LRP1B: variants seen among roughly 807,000 people sequenced by gnomAD.
The protein encoded by LRP1B is low-density lipoprotein receptor-related protein 1B.
A neutral mutation model predicts 556.6 loss-of-function variants in LRP1B; 217 were observed. The observed-to-expected ratio is 0.39, with a 90% CI of 0.35 to 0.44. The LOEUF is 0.44. Ranked by LOEUF, LRP1B falls within the 20% of genes least tolerant of loss-of-function variation. The pLI is 1.00. For synonymous variants in LRP1B, 2,047 were observed against 1,865.8 expected, an observed-to-expected ratio of 1.10 and a Z score of -2.50; for missense variants, 5,053 against 5,620.8, an observed-to-expected ratio of 0.90 and a Z score of 3.23.
chr2:141,856,147 C>G (rs1247278549), intron 1 of LRP1B, among the ~76,000 whole-genome samples: 1 of 152,052 alleles, frequency 6.6e-6, no homozygotes, highest in African/African-American at 2.4e-5. Flanking sequence ...TTTTATGCAA[C>G]CTTCTTGAAT....
chr2:141,721,022 T>A (rs904319788), intron 2 of LRP1B, among the ~76,000 whole-genome samples: 48 of 152,122 alleles, frequency 3.2e-4, no homozygotes, highest in Admixed American at 5.9e-4. Context: ...TCATTCAAGG[T>A]ATGCACTGGC....
intron 1 of LRP1B, among the ~76,000 whole-genome samples, chr2:141,910,902 A>G (rs1468239788): frequency 1.3e-5 from 2 of 152,128 alleles, no homozygotes; most frequent in African/African-American, 4.8e-5. Flanking sequence ...ATAAATAAGC[A>G]TATATTCAGG....
chr2:141,273,027 T>C (rs1481853585), intron 3 of LRP1B, among the ~76,000 whole-genome samples: 1 of 152,128 alleles, frequency 6.6e-6, no homozygotes. Context: ...GCAACACTTA[T>C]GCCAGGCGGG....
chr2:140,796,964 T>A (rs1222241836), intron 32 of LRP1B, among the ~76,000 whole-genome samples: 1 of 151,878 alleles, frequency 6.6e-6, no homozygotes, highest in African/African-American at 2.4e-5. Flanking sequence ...TTATCTTAAG[T>A]AGGACATTCT....
intron 1 of LRP1B, among the ~76,000 whole-genome samples, chr2:141,912,374 C>T (rs1699926885): frequency 6.6e-6 from 1 of 152,080 alleles, no homozygotes; most frequent in Non-Finnish European, 1.5e-5. Flanking sequence ...TCTTTCTTGG[C>T]ATTTAGGAAA....
chr2:140,306,900 T>TC (rs2105019464), intron 83 of LRP1B, among the ~76,000 whole-genome samples: 2 of 152,250 alleles, frequency 1.3e-5, no homozygotes, highest in South Asian at 4.1e-4. Flanking sequence ...ATTTCTGCTT[T>TC]CATTTCGTTA....
intron 18 of LRP1B, among the ~76,000 whole-genome samples, chr2:140,977,529 C>A (rs914408057): frequency 2.0e-5 from 3 of 152,084 alleles, no homozygotes; most frequent in Non-Finnish European, 2.9e-5. Flanking sequence ...ATGATAAAAT[C>A]AAATACACAT....
chr2:140,733,853 A>C (rs943675451), intron 35 of LRP1B, among the ~76,000 whole-genome samples: 1 of 152,238 alleles, frequency 6.6e-6, no homozygotes, highest in African/African-American at 2.4e-5. Context: ...CAAAATAATC[A>C]AAAACATACC....
chr2:141,657,965 T>C (rs149675570), intron 2 of LRP1B, among the ~76,000 whole-genome samples: 5 of 152,300 alleles, frequency 3.3e-5, no homozygotes, highest in Non-Finnish European at 7.4e-5. Flanking sequence ...TGTTCCATCA[T>C]CCACAAACCC....
In LRP1B at chr2:141,919,848, T is replaced by C. The variant is rs1260879334; in HGVS notation, c.83-109447A>G. On this transcript the variant is annotated intron_variant, in intron 1 of 90. Transcript: ENST00000389484. ...GGATATGACACTTGTTTATTCTATG[T>C]GAACTTTGATTATGAAATAGATCTT... 3.9e-5 allele frequency among the ~76,000 whole-genome samples: 6 copies of C among 152,066 alleles called. No individual in the cohort carries two copies. In the South Asian group the frequency reaches 1.2e-3, roughly 31 times the overall value.
chr2:141,538,884 C>T (rs970150096), intron 2 of LRP1B, among the ~76,000 whole-genome samples: 21 of 152,268 alleles, frequency 1.4e-4, no homozygotes, highest in Admixed American at 3.9e-4. Flanking sequence ...GGTGATCCCC[C>T]GGCACTGGCC....
chr2:141,954,651 T>G (rs1051936905), intron 1 of LRP1B, among the ~76,000 whole-genome samples: 1 of 152,144 alleles, frequency 6.6e-6, no homozygotes, highest in Admixed American at 6.6e-5. Flanking sequence ...TGTATTGTCT[T>G]AATCGTTGTT....
At chr2:140,717,074 T>C (rs1278863027) in intron 35 of LRP1B, among the ~76,000 whole-genome samples, 2 of 152,096 alleles carry the variant, frequency 1.3e-5, no homozygotes, top group Non-Finnish European at 2.9e-5. Flanking sequence ...TTGCATTGTT[T>C]ATTGTTTTTA....
chr2:141,374,017 C>A lies in LRP1B; in HGVS notation c.343+106379G>T, dbSNP rs544184440. Among the ~76,000 whole-genome samples, 12 of 152,072 alleles carry A rather than the reference C, an allele frequency of 7.9e-5. No individual in the cohort carries two copies. In the South Asian group the frequency reaches 1.7e-3, roughly 21 times the overall value. On this transcript the variant is annotated intron_variant, in intron 3 of 90. Transcript: ENST00000389484. ...GACCTTTCATTTACATGTTTAAGATCCTTTTGAACATTTCCTGTAGGTTCA... is the reference window on the plus strand; with the variant it reads ...GACCTTTCATTTACATGTTTAAGATACTTTTGAACATTTCCTGTAGGTTCA...
chr2:140,497,549 G>A (rs1276250709), intron 55 of LRP1B, among the ~76,000 whole-genome samples: 1 of 151,778 alleles, frequency 6.6e-6, no homozygotes, highest in East Asian at 1.9e-4. Context: ...ATTTGACAGG[G>A]TAGTAATCCC....
At chr2:140,532,936 A>C (rs964718518) in intron 47 of LRP1B, among the ~76,000 whole-genome samples, 4 of 112,184 alleles carry the variant, frequency 3.6e-5, no homozygotes, top group Non-Finnish European at 2.0e-5. Flanking sequence ...CAAGATATAT[A>C]TATATATATA....
intron 1 of LRP1B, among the ~76,000 whole-genome samples, chr2:142,052,233 C>T (rs190947794): frequency 3.3e-5 from 5 of 151,934 alleles, no homozygotes; most frequent in East Asian, 1.9e-4. Flanking sequence ...AAATAATAAA[C>T]GAGTTTAGAA....
At chr2:141,875,738 CTG>C in intron 1 of LRP1B, among the ~76,000 whole-genome samples, 1 of 151,980 alleles carries the variant, frequency 6.6e-6, no homozygotes, top group Non-Finnish European at 1.5e-5. Context: ...ATGGAGAAGT[CTG>C]GACTGGTTAA....
At chr2:141,125,321 C>A (rs1295447676) in intron 7 of LRP1B, among the ~76,000 whole-genome samples, 1 of 152,156 alleles carries the variant, frequency 6.6e-6, no homozygotes, top group East Asian at 1.9e-4. Flanking sequence ...CTCATTTCTT[C>A]TTTCCCATTT....
Sources: allele counts gnomAD v4.1 joint callset (sites outside exome capture counted in the v4.1 genomes callset), GRCh38; gene constraint gnomAD v4.1.1; transcripts MANE v1.5; gene names NCBI Gene and HGNC (gene_info 2026-07-23, HGNC 2026-07-21).